Variants in WWC1 observed in about 807,000 individuals in gnomAD.
WWC1 encodes protein KIBRA.
In WWC1, 55 loss-of-function variants were observed where a neutral mutation model predicts 138.4. That is an observed-to-expected ratio of 0.40 (90% CI 0.32 to 0.50). The LOEUF (loss-of-function observed/expected upper bound fraction) is 0.50. WWC1 is among the 20% of genes least tolerant of loss of function. WWC1 has a pLI of 0.72. For synonymous variants in WWC1, 524 were observed against 564.9 expected (o/e 0.93, Z 1.03); for missense variants, 1,226 against 1,420.4 (o/e 0.86, Z 2.20).
At chr5:168,361,378 C>T (rs1349654756) in intron 1 of WWC1, among the ~76,000 whole-genome samples, 2 of 152,144 alleles carry the variant, frequency 1.3e-5, no homozygotes, top group Non-Finnish European at 2.9e-5. Flanking sequence ...AAATTACCTT[C>T]CAAGTAGGTA....
chr5:168,351,220 A>T (rs958764082), intron 1 of WWC1, among the ~76,000 whole-genome samples: 1 of 152,106 alleles, frequency 6.6e-6, no homozygotes, highest in African/African-American at 2.4e-5. Flanking sequence ...CTCTTAGTTA[A>T]CAAAGGAGCC....
intron 17 of WWC1, among the ~76,000 whole-genome samples, chr5:168,446,232 TAAAAAA>T (rs60746695): frequency 3.4e-5 from 2 of 58,768 alleles, no homozygotes; most frequent in South Asian, 9.2e-4. Flanking sequence ...CTCCCATTAT[TAAAAAA>T]AAAAAAAAAA....
chr5:168,371,519 T>C lies in WWC1; in HGVS notation c.215T>C (p.Ile72Thr). 1.2e-6 allele frequency: 2 copies of C among 1,613,810 alleles called. No individual in the cohort carries two copies. Among genetic ancestry groups the C allele is most frequent in the Non-Finnish European group, 1.7e-6 (2 of 1,179,750 alleles). ...GACCCACAGGTTGGAGATTACTTCA[T>C]AGACCACAACACCAGTAAGTTCCCG... Reference protein sequence around the residue: ...AYDPQVGDYFIDHNTKTTQIE... With the variant: ...AYDPQVGDYFTDHNTKTTQIE... Residue 72 changes from isoleucine to threonine, a missense_variant, in exon 2 of 23, where the codon ATA becomes ACA. Ile to Thr is a moderately conservative substitution (Grantham distance 89). Transcript: ENST00000265293.
chr5:168,326,409 G>GT (rs1772554504), intron 1 of WWC1, among the ~76,000 whole-genome samples: 2 of 151,960 alleles, frequency 1.3e-5, no homozygotes, highest in Admixed American at 1.3e-4. Context: ...TAGAGACAGG[G>GT]TTTCTCCATG....
At chr5:168,447,927 C>T (rs1489620543) in intron 17 of WWC1, among the ~76,000 whole-genome samples, 3 of 152,096 alleles carry the variant, frequency 2.0e-5, no homozygotes, top group Non-Finnish European at 4.4e-5. Context: ...ACGGATCACA[C>T]AGGCAAAGGT....
intron 17 of WWC1, among the ~76,000 whole-genome samples, chr5:168,450,734 T>A (rs1469393195): frequency 8.5e-5 from 13 of 152,200 alleles, no homozygotes; most frequent in Admixed American, 8.5e-4. Context: ...ATTATAGAAG[T>A]TCTGAAAGTG....
chr5:168,309,850 G>T (rs1770909238), intron 1 of WWC1, among the ~76,000 whole-genome samples: 1 of 152,118 alleles, frequency 6.6e-6, no homozygotes, highest in Admixed American at 6.5e-5. Flanking sequence ...GAAGCCACAG[G>T]TGTCTGTTTC....
rs1773584561 is a variant in WWC1, at chr5:168,337,447, T to C, written c.120-33977T>C. 2.0e-5 allele frequency among the ~76,000 whole-genome samples: 3 copies of C among 152,212 alleles called. No homozygotes were observed. The South Asian group carries it at 6.2e-4, about 32-fold the overall frequency. ...TGGTGGTCACAACTGGGAGGGTGCC[T>C]CTAAATGGCTAGGGGCCAGGGATAG... On this transcript the variant is annotated intron_variant, in intron 1 of 22. Coordinates refer to ENST00000265293, the MANE Select transcript of WWC1 (RefSeq NM_015238.3).
chr5:168,304,388 A>C (rs73801872), intron 1 of WWC1, among the ~76,000 whole-genome samples: 5,454 of 152,258 alleles, frequency 0.036, 297 homozygotes, highest in African/African-American at 0.12. Context: ...GAGTTTCAAA[A>C]CAAATGTAAG....
At chr5:168,364,137 TGTAA>T (rs1776105441) in intron 1 of WWC1, among the ~76,000 whole-genome samples, 1 of 151,870 alleles carries the variant, frequency 6.6e-6, no homozygotes, top group Non-Finnish European at 1.5e-5. Flanking sequence ...GGCCTTCCTG[TGTAA>T]GTTTCACAGA....
intron 1 of WWC1, among the ~76,000 whole-genome samples, chr5:168,313,843 T>C (rs1012401042): frequency 6.6e-6 from 1 of 152,222 alleles, no homozygotes; most frequent in Admixed American, 6.5e-5. Context: ...CTATAAATAC[T>C]ATCTAGAGAA....
At chr5:168,348,947 G>T (rs1475465957) in intron 1 of WWC1, among the ~76,000 whole-genome samples, 1 of 152,128 alleles carries the variant, frequency 6.6e-6, no homozygotes, top group Non-Finnish European at 1.5e-5. Flanking sequence ...GCCTACTGCT[G>T]TACACACGTC....
Position 168,388,486 on chromosome 5 carries a change from C to T in WWC1, c.433+3072C>T, listed in dbSNP as rs77895289. 9.2e-3 allele frequency among the ~76,000 whole-genome samples: 1,405 copies of T among 151,962 alleles called. 22 individuals carry two copies. Among genetic ancestry groups the T allele is most frequent in the African/African-American group, 0.032 (1,343 of 41,440 alleles). On this transcript the variant is annotated intron_variant, in intron 3 of 22. Transcript: ENST00000265293. ...TATGAAGATGCATGTGGCAACATAT[C>T]TGCAGCTTATTCCAAAAAAGGTCCA... is the stretch of plus-strand genomic sequence containing the variant.
Position 168,468,088 on chromosome 5 carries a change from T to A in WWC1, c.3275+124T>A, listed in dbSNP as rs1307597189. On this transcript the variant is annotated intron_variant, in intron 22 of 22. Coordinates refer to ENST00000265293, the MANE Select transcript of WWC1 (RefSeq NM_015238.3). ...GAGCACTGGCTTTCCCTGTAACAGA[T>A]GTTCATCCTCCGCCAAGCCATCCCT... The A allele has an allele frequency of 2.7e-6, 4 of 1,479,432 alleles. No individual in the cohort carries two copies. The South Asian group carries it at 4.0e-5, about 15-fold the overall frequency. The allele number at this position is 1,479,432 out of a possible 1,614,324, so 91.6% of individuals were successfully genotyped here.
At chr5:168,341,668 C>T (rs1581974464) in intron 1 of WWC1, among the ~76,000 whole-genome samples, 1 of 151,512 alleles carries the variant, frequency 6.6e-6, no homozygotes, top group South Asian at 2.1e-4. Flanking sequence ...AATATCATTC[C>T]TCTTCAAAGC....
Position 168,469,063 on chromosome 5 carries a change from A to G in WWC1, c.*46A>G, listed in dbSNP as rs200181853. ...TTGTTCCACTGACCAGGCTGTGAAC[A>G]TTGACTGTGGCTAAAGTTATTTATG... On this transcript the variant is annotated 3_prime_UTR_variant, in exon 23 of 23. Coordinates refer to ENST00000265293, the MANE Select transcript of WWC1 (RefSeq NM_015238.3). 3 of 1,609,296 alleles carry G rather than the reference A, an allele frequency of 1.9e-6. No individual in the cohort carries two copies. The highest frequency in any genetic ancestry group is 2.6e-6 in the Non-Finnish European group (3 of 1,175,630).
chr5:168,396,805 C>T (rs1778935468), intron 3 of WWC1, among the ~76,000 whole-genome samples: 1 of 152,078 alleles, frequency 6.6e-6, no homozygotes, highest in Admixed American at 6.6e-5. Context: ...TTTTAAAATA[C>T]AGTAAGATTA....
At chr5:168,305,808 C>T (rs535240948) in intron 1 of WWC1, among the ~76,000 whole-genome samples, 10 of 152,272 alleles carry the variant, frequency 6.6e-5, no homozygotes, top group African/African-American at 2.4e-4. Context: ...CTGGCCCACC[C>T]CCAAAGATTC....
At chr5:168,318,699 A>G (rs1318380863) in intron 1 of WWC1, among the ~76,000 whole-genome samples, 2 of 151,838 alleles carry the variant, frequency 1.3e-5, no homozygotes, top group Non-Finnish European at 2.9e-5. Context: ...AGCTGGGATT[A>G]CAGGCACCTG....
Sources: allele counts gnomAD v4.1 joint callset (sites outside exome capture counted in the v4.1 genomes callset), GRCh38; gene constraint gnomAD v4.1.1; transcripts MANE v1.5; gene names NCBI Gene and HGNC (gene_info 2026-07-23, HGNC 2026-07-21).